Variants in DAB1 observed in about 807,000 individuals in gnomAD.
DAB1 encodes the protein DAB adaptor protein 1, also known as disabled homolog 1.
DAB1 carries 15 observed loss-of-function variants against 64.6 expected under a neutral mutation model. The ratio of observed to expected loss-of-function variants is 0.23; its 90% CI spans 0.16 to 0.36. The LOEUF (loss-of-function observed/expected upper bound fraction) is 0.36, where lower values mean the gene tolerates loss of function less well. Among genes scored for constraint, DAB1 ranks in the 10% least tolerant of loss-of-function variants. DAB1 has a pLI of 1.00. For synonymous variants in DAB1, 235 were observed against 251.9 expected (o/e 0.93, Z 0.64); for missense variants, 596 against 706.7 (o/e 0.84, Z 1.78).
chr1:57,897,697 G>A (rs1427584921), intron 5 of DAB1, among the ~76,000 whole-genome samples: 1 of 152,172 alleles, frequency 6.6e-6, no homozygotes, highest in Non-Finnish European at 1.5e-5. Flanking sequence ...CACAAAGATG[G>A]ATGGAAGAGT....
chr1:57,474,762 T>G (rs1643913907), intron 7 of DAB1, among the ~76,000 whole-genome samples: 1 of 152,162 alleles, frequency 6.6e-6, no homozygotes, highest in Non-Finnish European at 1.5e-5. Context: ...TTGAGAGAGA[T>G]AAAACACAGG....
At chr1:58,300,142 G>A (rs1662087409) in intron 4 of DAB1, among the ~76,000 whole-genome samples, 1 of 152,172 alleles carries the variant, frequency 6.6e-6, no homozygotes, top group South Asian at 2.1e-4. Flanking sequence ...GGTAGTGGTG[G>A]GCTCTGCTTA....
At chr1:57,870,280 G>A (rs1437972806) in intron 1 of DAB1, among the ~76,000 whole-genome samples, 5 of 152,130 alleles carry the variant, frequency 3.3e-5, no homozygotes, top group East Asian at 1.9e-4. Context: ...GGTCCTGTCC[G>A]TGAGTGCCAA....
chr1:57,980,141 C>T (rs1646027435), intron 5 of DAB1, among the ~76,000 whole-genome samples: 2 of 152,052 alleles, frequency 1.3e-5, no homozygotes, highest in Non-Finnish European at 2.9e-5. Flanking sequence ...GCTTGGAATG[C>T]TATTTAAAGT....
chr1:57,822,351 G>A (rs852770), downstream of DAB1, among the ~76,000 whole-genome samples: 34,615 of 152,014 alleles, frequency 0.23, 4,780 homozygotes, highest in Middle Eastern at 0.31. Flanking sequence ...CCACAGAGAA[G>A]AGGGTCTCTC....
intron 5 of DAB1, chr1:58,080,107 G>A (rs1158155364): frequency 6.6e-6 from 1 of 152,176 alleles, no homozygotes; most frequent in Non-Finnish European, 1.5e-5. Flanking sequence ...CCTGGTACAG[G>A]TATTTGAGAA....
At chr1:57,382,158 C>T (rs753841956) in intron 1 of DAB1, among the ~76,000 whole-genome samples, 5 of 152,066 alleles carry the variant, frequency 3.3e-5, no homozygotes, top group Non-Finnish European at 5.9e-5. Context: ...TGAGATTTAC[C>T]GTGTGCTGTT....
At chr1:57,025,870 C>T in intron 10 of DAB1, 111 bp downstream of exon 10, 1 of 827,666 alleles carries the variant, frequency 1.2e-6, no homozygotes, top group Non-Finnish European at 1.9e-6. Context: ...AGAGTCAACA[C>T]TGAAATCCAC....
intron 2 of DAB1, among the ~76,000 whole-genome samples, chr1:57,176,375 GA>G (rs1662315883): frequency 6.6e-6 from 1 of 152,006 alleles, no homozygotes; most frequent in Admixed American, 6.6e-5. Flanking sequence ...CTTGTGCAGG[GA>G]AACCCCCGTT....
intron 6 of DAB1, among the ~76,000 whole-genome samples, chr1:57,676,288 T>A (rs2101690651): frequency 6.6e-6 from 1 of 152,288 alleles, no homozygotes; most frequent in East Asian, 1.9e-4. Context: ...AGAGAAGACC[T>A]TCTGTTCAAA....
Position 57,011,200 on chromosome 1 carries a change from T to C in DAB1, c.1517A>G (p.Asp506Gly), listed in dbSNP as rs1196575690. ...TTCAAAGCCCTCTTCAAAGATGTCATCTGTGGTAGGATCACTGGCATGGGA... is the reference window on the plus strand; with the variant it reads ...TTCAAAGCCCTCTTCAAAGATGTCACCTGTGGTAGGATCACTGGCATGGGA... Reference protein sequence around the residue: ...SASHASDPTTDDIFEEGFESP... With the variant: ...SASHASDPTTGDIFEEGFESP... Residue 506 changes from aspartate to glycine, a missense_variant, in exon 13 of 15, where the codon GAT becomes GGT. Around this residue, in one of 3 missense-constraint regions of DAB1, gnomAD observed 377 missense variants for 400.4 expected, o/e 0.94. Coordinates refer to ENST00000371236, the MANE Select transcript of DAB1 (RefSeq NM_001365792.1). The C allele has an allele frequency of 6.2e-7, 1 of 1,614,112 alleles. No homozygotes were observed. The highest frequency in any genetic ancestry group is 1.7e-5 in the Admixed American group (1 of 60,022).
intron 5 of DAB1, among the ~76,000 whole-genome samples, chr1:58,055,069 A>T (rs757596040): frequency 2.0e-5 from 3 of 152,234 alleles, no homozygotes; most frequent in Non-Finnish European, 4.4e-5. Flanking sequence ...CCTTACAAAC[A>T]CCACTGGAGA....
intron 6 of DAB1, among the ~76,000 whole-genome samples, chr1:57,714,676 G>A (rs936505479): frequency 5.3e-5 from 8 of 152,170 alleles, no homozygotes; most frequent in African/African-American, 1.9e-4. Context: ...GAATGACCGG[G>A]AAAATGAATT....
At chr1:58,451,931 T>C (rs555263795) in intron 3 of DAB1, among the ~76,000 whole-genome samples, 1 of 151,702 alleles carries the variant, frequency 6.6e-6, no homozygotes, top group South Asian at 2.1e-4. Flanking sequence ...TTTTTTTTTT[T>C]TTTTTGACGG....
chr1:57,193,880 T>C (rs1484199937), intron 2 of DAB1, among the ~76,000 whole-genome samples: 1 of 152,250 alleles, frequency 6.6e-6, no homozygotes, highest in Non-Finnish European at 1.5e-5. Context: ...ATTAGTGATA[T>C]GGCCTTAGCC....
At position 56,994,839 on chromosome 1, in the gene DAB1, A is replaced by C. The variant is rs1317189560; in HGVS notation, c.*3305T>G. The C allele has an allele frequency of 6.6e-6, 1 of 152,224 alleles. No homozygotes were observed. Among genetic ancestry groups the C allele is most frequent in the Non-Finnish European group, 1.5e-5 (1 of 68,038 alleles). The allele number at this position is 152,224 out of a possible 1,614,324, so 9.4% of individuals were successfully genotyped here. The stretch of plus-strand genomic sequence containing the variant: ...CATGGTGTGTTACAGAAATTAATGG[A>C]AAATTTCTAAAAATTTTGCTGTTCT... On this transcript the variant is annotated 3_prime_UTR_variant, in exon 15 of 15. Coordinates refer to ENST00000371236, the MANE Select transcript of DAB1 (RefSeq NM_001365792.1).
At chr1:57,580,685 G>A (rs1457461161) in intron 7 of DAB1, among the ~76,000 whole-genome samples, 1 of 152,102 alleles carries the variant, frequency 6.6e-6, no homozygotes, top group East Asian at 1.9e-4. Context: ...CATGGAATTT[G>A]GACTAATGAT....
chr1:57,308,636 T>A (rs1016170639), intron 1 of DAB1, among the ~76,000 whole-genome samples: 4 of 152,246 alleles, frequency 2.6e-5, no homozygotes, highest in Non-Finnish European at 5.9e-5. Context: ...TCTGGTGGCA[T>A]ATTGCCACAA....
At chr1:57,395,127 C>T (rs61769755) in intron 1 of DAB1, among the ~76,000 whole-genome samples, 3 of 152,112 alleles carry the variant, frequency 2.0e-5, no homozygotes, top group South Asian at 2.1e-4. Context: ...GGGTTTCAGG[C>T]GATTCTCATG....
Sources: allele counts gnomAD v4.1 joint callset (sites outside exome capture counted in the v4.1 genomes callset), GRCh38; gene constraint gnomAD v4.1.1; regional missense constraint gnomAD v4.1.1; transcripts MANE v1.5; gene names NCBI Gene and HGNC (gene_info 2026-07-23, HGNC 2026-07-21).